The following CACNA1C variants were observed in gnomAD, a reference collection of about 807,000 sequenced individuals.
The protein encoded by CACNA1C is calcium voltage-gated channel subunit alpha1 C, also known as voltage-dependent L-type calcium channel subunit alpha-1C.
CACNA1C carries 30 observed loss-of-function variants against 229.0 expected under a neutral mutation model. The ratio of observed to expected loss-of-function variants is 0.13; its 90% CI spans 0.10 to 0.18. The LOEUF is 0.18. CACNA1C is among the 10% of genes least tolerant of loss of function. CACNA1C has a pLI of 1.00. For missense variants in CACNA1C, 1,658 were observed against 2,845.0 expected (o/e 0.58, Z 9.49); for synonymous variants, 1,114 against 1,132.5 (o/e 0.98, Z 0.33).
At chr12:2,507,915 A>G (rs2099775312) in intron 8 of CACNA1C, among the ~76,000 whole-genome samples, 2 of 152,194 alleles carry the variant, frequency 1.3e-5, no homozygotes, top group Admixed American at 6.5e-5. Context: ...CGAGAAATGG[A>G]GAGGGGAAGA....
At chr12:2,309,471 A>G (rs945747560) in intron 3 of CACNA1C, among the ~76,000 whole-genome samples, 15 of 151,816 alleles carry the variant, frequency 9.9e-5, no homozygotes, top group African/African-American at 3.4e-4. Flanking sequence ...CTTAAGGCCT[A>G]TGACACCACA....
chr12:2,475,982 A>T lies in CACNA1C; in HGVS notation c.758-10122A>T, dbSNP rs551250833. On this transcript the variant is annotated intron_variant, in intron 5 of 46. Coordinates refer to ENST00000399655, the MANE Select transcript of CACNA1C (RefSeq NM_000719.7). ...CATCCCCCTTTCTTGCATCTTTTGT[A>T]TGTATATTTCACAGTTTTTTCCAAA... 6.6e-5 allele frequency among the ~76,000 whole-genome samples: 10 copies of T among 152,218 alleles called. No homozygotes were observed. The South Asian group carries it at 2.1e-3, about 32-fold the overall frequency.
rs1196811197 is a variant in CACNA1C, at chr12:2,131,807, T to C, written c.477+11377T>C. 2.7e-5 allele frequency among the ~76,000 whole-genome samples: 4 copies of C among 149,716 alleles called. No homozygotes were observed. The East Asian group carries it at 7.9e-4, about 30-fold the overall frequency. On this transcript the variant is annotated intron_variant, in intron 3 of 46. Coordinates refer to ENST00000399655, the MANE Select transcript of CACNA1C (RefSeq NM_000719.7). ...ATGCGGGCTCTTTTTTGGTTCCATA[T>C]GAAGTTTAAAGTAGTTTTTTCCAAT...
At chr12:2,624,802 A>G (rs11062285) in intron 29 of CACNA1C, among the ~76,000 whole-genome samples, 1,930 of 152,328 alleles carry the variant, frequency 0.013, 41 homozygotes, top group African/African-American at 0.043. Flanking sequence ...TATCCAATCT[A>G]TTGAGAAACT....
At chr12:2,411,304 C>G (rs544569942) in intron 3 of CACNA1C, among the ~76,000 whole-genome samples, 1 of 152,272 alleles carries the variant, frequency 6.6e-6, no homozygotes, top group East Asian at 1.9e-4. Flanking sequence ...ACTGGAAGTA[C>G]TCAGTCACGG....
intron 1 of CACNA1C, among the ~76,000 whole-genome samples, chr12:2,022,366 A>G (rs1010292664): frequency 6.6e-6 from 1 of 151,994 alleles, no homozygotes; most frequent in Non-Finnish European, 1.5e-5. Flanking sequence ...ATTTGTTTCA[A>G]TGTTTAGTAT....
At chr12:2,289,315 A>G (rs1172519988) in intron 3 of CACNA1C, among the ~76,000 whole-genome samples, 1 of 152,144 alleles carries the variant, frequency 6.6e-6, no homozygotes, top group East Asian at 1.9e-4. Flanking sequence ...TATGCCCAAT[A>G]GTCATCCTGA....
At chr12:2,590,222 G>C (rs955374538) in intron 18 of CACNA1C, among the ~76,000 whole-genome samples, 1 of 152,124 alleles carries the variant, frequency 6.6e-6, no homozygotes, top group African/African-American at 2.4e-5. Context: ...TCAGATGGAG[G>C]GGGGCAAGGG....
At chr12:2,614,049 C>A (rs1475441312) in intron 29 of CACNA1C, 4 of 152,220 alleles carry the variant, frequency 2.6e-5, no homozygotes, top group Non-Finnish European at 5.9e-5. Context: ...ATACAGACAA[C>A]CTTCCCTGGG....
intron 9 of CACNA1C, among the ~76,000 whole-genome samples, chr12:2,543,331 G>C (rs1365521183): frequency 2.0e-5 from 3 of 152,220 alleles, no homozygotes; most frequent in Admixed American, 6.5e-5. Flanking sequence ...TGGCTTTAGA[G>C]AAAAGGTGCC....
intron 4 of CACNA1C, among the ~76,000 whole-genome samples, chr12:2,449,765 T>C (rs568887293): frequency 2.5e-4 from 38 of 152,202 alleles, no homozygotes; most frequent in Non-Finnish European, 5.4e-4. Context: ...TTTCGTTTCA[T>C]CTCAGACCAC....
At chr12:2,475,153 G>T (rs917421817) in intron 5 of CACNA1C, among the ~76,000 whole-genome samples, 1 of 152,004 alleles carries the variant, frequency 6.6e-6, no homozygotes, top group African/African-American at 2.4e-5. Context: ...CAAAAAATTA[G>T]CCGGGCGCAG....
At chr12:2,663,367 T>C (rs2095864298) in intron 34 of CACNA1C, among the ~76,000 whole-genome samples, 1 of 152,252 alleles carries the variant, frequency 6.6e-6, no homozygotes, top group East Asian at 1.9e-4. Context: ...TTTACCCCGC[T>C]GGTGGGAATG....
chr12:2,266,475 G>C (rs2082448394), intron 3 of CACNA1C, among the ~76,000 whole-genome samples: 1 of 152,234 alleles, frequency 6.6e-6, no homozygotes, highest in Non-Finnish European at 1.5e-5. Flanking sequence ...TGGAACCTGG[G>C]ACTTTCAAGG....
At chr12:2,466,209 T>C (rs1311107871) in intron 5 of CACNA1C, among the ~76,000 whole-genome samples, 1 of 152,184 alleles carries the variant, frequency 6.6e-6, no homozygotes, top group Non-Finnish European at 1.5e-5. Flanking sequence ...TTTCACACTT[T>C]GATGGTTTAA....
In CACNA1C at chr12:2,665,391, C is replaced by T. The variant is rs1311724005; in HGVS notation, c.4399-190C>T. ...GTCCAGCCCACCTGTGGGTTCATCA[C>T]ACACAACTCTCAGGGAAACTGTGTC... On this transcript the variant is annotated intron_variant, in intron 35 of 46. Coordinates refer to ENST00000399655, the MANE Select transcript of CACNA1C (RefSeq NM_000719.7). This position sits in a 1 kb window ranked among gnomAD's most constrained non-coding sequence, Gnocchi z 5.9. Among the ~76,000 whole-genome samples the T allele has an allele frequency of 6.6e-6, 1 of 152,168 alleles. No individual in the cohort carries two copies. The highest frequency in any genetic ancestry group is 1.9e-4 in the East Asian group (1 of 5,194).
intron 3 of CACNA1C, among the ~76,000 whole-genome samples, chr12:2,168,223 A>G (rs1397859728): frequency 6.6e-6 from 1 of 152,256 alleles, no homozygotes; most frequent in Non-Finnish European, 1.5e-5. Flanking sequence ...CTTTAATCTT[A>G]AGAGTAAAAT....
intron 3 of CACNA1C, among the ~76,000 whole-genome samples, chr12:2,399,145 C>T (rs1375564437): frequency 6.6e-6 from 1 of 152,186 alleles, no homozygotes; most frequent in African/African-American, 2.4e-5. Flanking sequence ...AGGGCAAGTG[C>T]TCTTGGGCTT....
chr12:2,654,988 G>A lies in CACNA1C; in HGVS notation c.4141-159G>A, dbSNP rs1274609424. Among the ~76,000 whole-genome samples, 3 of 152,044 alleles carry A rather than the reference G, an allele frequency of 2.0e-5. No homozygotes were observed. The highest frequency in any genetic ancestry group is 4.4e-5 in the Non-Finnish European group (3 of 67,994). On this transcript the variant is annotated intron_variant, in intron 33 of 46. Transcript: ENST00000399655. This position sits in a 1 kb window ranked among gnomAD's most constrained non-coding sequence, Gnocchi z 4.4. ...GATTTGGGCTCAGGGGCTGGGTGGG[G>A]CAGCAGGTGCCTGCCAGGTTGCATG... is the stretch of plus-strand genomic sequence containing the variant.
Sources: gnomAD v4.1 joint callset for allele counts (sites outside exome capture counted in the v4.1 genomes callset) on GRCh38, gnomAD v4.1.1 for gene constraint, Gnocchi (gnomAD v3.1) non-coding constraint, MANE v1.5 for transcripts, NCBI Gene and HGNC (gene_info 2026-07-23, HGNC 2026-07-21) for gene names.